Variants in TUSC3 observed in about 807,000 individuals in gnomAD.
The protein encoded by TUSC3 is tumor suppressor candidate 3.
Under a neutral mutation model 44.8 loss-of-function variants are expected in TUSC3, and 45 were observed. The observed-to-expected ratio is 1.00, with a 90% CI of 0.79 to 1.29. The LOEUF is 1.29. TUSC3 is among the 50% of genes most tolerant of loss of function. The pLI is 0.00. For synonymous variants in TUSC3, 212 were observed against 152.9 expected (o/e 1.39, Z -2.85); for missense variants, 519 against 437.9 (o/e 1.19, Z -1.65).
intron 1 of TUSC3, among the ~76,000 whole-genome samples, chr8:15,580,958 T>C (rs1471600880): frequency 9.4e-6 from 1 of 106,148 alleles, no homozygotes; most frequent in African/African-American, 4.3e-5. Flanking sequence ...GGTACACCAA[T>C]CAGACGTAGA....
chr8:15,570,122 G>A (rs1398173093), intron 1 of TUSC3, among the ~76,000 whole-genome samples: 1 of 151,954 alleles, frequency 6.6e-6, no homozygotes, highest in African/African-American at 2.4e-5. Context: ...CTTGTCCATC[G>A]CATTATAAAT....
At chr8:15,465,504 A>T (rs1324934213) in intron 1 of TUSC3, among the ~76,000 whole-genome samples, 1 of 152,190 alleles carries the variant, frequency 6.6e-6, no homozygotes, top group African/African-American at 2.4e-5. Context: ...TATTGATTTT[A>T]AAAAATGCAA....
At chr8:15,844,140 T>A in the TUSC3 span, among the ~76,000 whole-genome samples, 1 of 152,134 alleles carries the variant, frequency 6.6e-6, no homozygotes, top group Admixed American at 6.6e-5. Context: ...GAATGCACCA[T>A]GACAAACAAT....
chr8:15,526,738 C>T lies in TUSC3; in HGVS notation n.189+43255C>T, dbSNP rs563597166. Among the ~76,000 whole-genome samples the T allele has an allele frequency of 2.0e-5, 3 of 152,216 alleles. No individual in the cohort carries two copies. The East Asian group carries it at 5.8e-4, about 29-fold the overall frequency. On this transcript the variant is annotated intron_variant and non_coding_transcript_variant, in intron 2 of 5. Transcript: ENST00000503191. Reference sequence around the variant, plus strand: ...TACCCAGTCTCAGGTATGTGTTCATCAGCAGCATGATAACAGACTAATACA... The same window carrying T: ...TACCCAGTCTCAGGTATGTGTTCATTAGCAGCATGATAACAGACTAATACA...
chr8:15,568,282 T>C (rs1193344130), intron 1 of TUSC3, among the ~76,000 whole-genome samples: 3 of 152,180 alleles, frequency 2.0e-5, no homozygotes, highest in Non-Finnish European at 4.4e-5. Flanking sequence ...ATTTAAGCAC[T>C]AGCTCTGTGC....
intron 4 of TUSC3, 58 bp downstream of exon 4, chr8:15,659,705 C>A: frequency 6.3e-7 from 1 of 1,596,912 alleles, no homozygotes; most frequent in Admixed American, 1.7e-5. Flanking sequence ...TTTTATGGAG[C>A]ATTTTAATAA....
At chr8:15,818,260 G>A in the TUSC3 span, among the ~76,000 whole-genome samples, 10 of 152,294 alleles carry the variant, frequency 6.6e-5, no homozygotes, top group African/African-American at 2.4e-4. Flanking sequence ...GATGGAGAGA[G>A]CGTGTATTCA....
At chr8:15,636,671 T>C (rs76101265) in intron 2 of TUSC3, among the ~76,000 whole-genome samples, 1,683 of 152,300 alleles carry the variant, frequency 0.011, 33 homozygotes, top group African/African-American at 0.039. Context: ...TTGCTGAACA[T>C]TTGCAGTGCA....
intron 2 of TUSC3, among the ~76,000 whole-genome samples, chr8:15,511,025 C>T (rs1801127879): frequency 6.6e-6 from 1 of 152,144 alleles, no homozygotes; most frequent in Admixed American, 6.5e-5. Flanking sequence ...TCAAGATCCA[C>T]TGCGGATAAA....
intron 1 of TUSC3, among the ~76,000 whole-genome samples, chr8:15,440,750 G>A (rs975245231): frequency 6.6e-6 from 1 of 152,182 alleles, no homozygotes; most frequent in African/African-American, 2.4e-5. Flanking sequence ...TATTCTTCAG[G>A]AAACTATGTC....
chr8:15,427,554 A>C (rs1799819348), intron 1 of TUSC3, among the ~76,000 whole-genome samples: 1 of 152,114 alleles, frequency 6.6e-6, no homozygotes, highest in African/African-American at 2.4e-5. Context: ...CAAGCCACGC[A>C]CTTGGTCTCT....
chr8:15,692,530 T>A (rs1221466777), intron 6 of TUSC3, among the ~76,000 whole-genome samples: 1 of 151,818 alleles, frequency 6.6e-6, no homozygotes, highest in Non-Finnish European at 1.5e-5. Flanking sequence ...CAAAACTTAT[T>A]ATTGGTCAGT....
chr8:15,727,088 T>G (rs554977368), intron 6 of TUSC3, among the ~76,000 whole-genome samples: 1 of 152,308 alleles, frequency 6.6e-6, no homozygotes, highest in Admixed American at 6.5e-5. Context: ...AACATCATGC[T>G]TTAGCTTTCA....
chr8:15,780,990 T>C, the TUSC3 span, among the ~76,000 whole-genome samples: 1 of 152,222 alleles, frequency 6.6e-6, no homozygotes, highest in Non-Finnish European at 1.5e-5. Flanking sequence ...ACAGTCTTCC[T>C]GTGGCTACTT....
In TUSC3 at chr8:15,492,531, G is replaced by A. The variant is rs79879224; in HGVS notation, n.189+9048G>A. 6.9e-3 allele frequency among the ~76,000 whole-genome samples: 1,049 copies of A among 152,228 alleles called. 14 individuals are homozygous for A. Among genetic ancestry groups the A allele is most frequent in the African/African-American group, 0.025 (1,019 of 41,558 alleles). ...GACTGCCCCAAGACTGAAGACTTGA[G>A]GTGGTAAGAGACCTATTTCTGGAAG... On this transcript the variant is annotated intron_variant and non_coding_transcript_variant, in intron 2 of 5. Coordinates refer to the TUSC3 transcript ENST00000503191.
the TUSC3 span, among the ~76,000 whole-genome samples, chr8:15,784,972 A>G: frequency 2.0e-5 from 3 of 152,074 alleles, no homozygotes; most frequent in African/African-American, 7.2e-5. Flanking sequence ...TCATGCCACA[A>G]TACATACATG....
rs1461400155 is a variant in TUSC3 at position 15,479,612 on chromosome 8, C to T, written n.92-3774C>T. 2.0e-5 allele frequency among the ~76,000 whole-genome samples: 3 copies of T among 152,078 alleles called. No individual in the cohort carries two copies. The East Asian group carries it at 5.8e-4, about 29-fold the overall frequency. On this transcript the variant is annotated intron_variant and non_coding_transcript_variant, in intron 1 of 5. Transcript: ENST00000503191. ...TGGTTGTAGATATGTGTTCTTATTT[C>T]TCAGATGTCTATTCTGTTCCATTGG...
chr8:15,608,522 G>T (rs974326515), intron 1 of TUSC3, among the ~76,000 whole-genome samples: 1 of 152,026 alleles, frequency 6.6e-6, no homozygotes, highest in African/African-American at 2.4e-5. Context: ...TATTGATATG[G>T]TTTGGCTCTG....
At chr8:15,586,080 A>T (rs1803589608) in intron 1 of TUSC3, among the ~76,000 whole-genome samples, 1 of 149,590 alleles carries the variant, frequency 6.7e-6, no homozygotes, top group Non-Finnish European at 1.5e-5. Context: ...CAGGAAAAAT[A>T]TTTTAAAGAT....
Sources: gnomAD v4.1 joint callset for allele counts (sites outside exome capture counted in the v4.1 genomes callset) on GRCh38, gnomAD v4.1.1 for gene constraint, MANE v1.5 for transcripts, NCBI Gene and HGNC (gene_info 2026-07-23, HGNC 2026-07-21) for gene names.